Variants in TERT observed in about 807,000 individuals in gnomAD.
TERT encodes telomerase catalytic subunit.
In TERT, 42 loss-of-function variants were observed where a neutral mutation model predicts 104.0. The ratio of observed to expected loss-of-function variants is 0.40; its 90% CI spans 0.32 to 0.52. TERT has a LOEUF of 0.52. TERT is among the 20% of genes least tolerant of loss of function. The pLI is 0.43. For missense variants in TERT, 1,101 were observed against 1,610.3 expected (o/e 0.68, Z 5.41); for synonymous variants, 781 against 725.6 (o/e 1.08, Z -1.23).
At chr5:1,278,562 A>G (rs1749775673) in intron 6 of TERT, 79 bp downstream of exon 6, 1 of 1,595,660 alleles carries the variant, frequency 6.3e-7, no homozygotes, top group Non-Finnish European at 8.6e-7. Flanking sequence ...GAAACGCATC[A>G]CAGACACGAC....
At chr5:1,267,590 T>C (rs1172690632) in intron 9 of TERT, among the ~76,000 whole-genome samples, 1 of 152,190 alleles carries the variant, frequency 6.6e-6, no homozygotes, top group Non-Finnish European at 1.5e-5. Context: ...AACCCAAATG[T>C]CCATCGATGA....
chr5:1,293,884 G>C lies in TERT; in HGVS notation c.1002C>G (p.Ser334=). 6.5e-7 allele frequency: 1 copy of C among 1,543,596 alleles called. No homozygotes were observed. The highest frequency in any genetic ancestry group is 1.2e-5 in the South Asian group (1 of 84,076). Residue 334 remains serine (S), a synonymous_variant, in exon 2 of 16, where the codon TCC becomes TCG. Transcript: ENST00000310581. ...VYAETKHFLY[S]SGDKEQLRPS... ...GCCGCAGCTGCTCCTTGTCGCCTGAGGAGTAGAGGAAGTGCTTGGTCTCGG... is the reference window on the plus strand; with the variant it reads ...GCCGCAGCTGCTCCTTGTCGCCTGACGAGTAGAGGAAGTGCTTGGTCTCGG...
intron 2 of TERT, 51 bp from the exon 3 acceptor site, chr5:1,282,675 T>C: frequency 6.3e-7 from 1 of 1,593,574 alleles, no homozygotes. Flanking sequence ...CCTGGTGACC[T>C]CACCCCGGAC....
intron 2 of TERT, 62 bp from the exon 3 acceptor site, chr5:1,282,686 C>G (rs2126650383): frequency 6.4e-7 from 1 of 1,559,404 alleles, no homozygotes; most frequent in Non-Finnish European, 8.8e-7. Flanking sequence ...CACCCCGGAC[C>G]TGCACCATCC....
intron 4 of TERT, 95 bp from the exon 5 acceptor site, chr5:1,279,565 G>T: frequency 7.7e-7 from 1 of 1,296,956 alleles, no homozygotes. Context: ...CCCCTCCCCA[G>T]TGTCCCCAGC....
chr5:1,264,341 C>T (rs374557624), intron 11 of TERT, 63 bp downstream of exon 11: 21 of 1,521,252 alleles, frequency 1.4e-5, no homozygotes, highest in South Asian at 4.7e-5. Flanking sequence ...GTGGACGCAA[C>T]GGCCCTGCAG....
intron 6 of TERT, among the ~76,000 whole-genome samples, chr5:1,275,700 G>A (rs1749512823): frequency 3.9e-5 from 6 of 151,984 alleles, no homozygotes. Flanking sequence ...TGAACTCTGT[G>A]TTACCCCACT....
At position 1,274,713 on chromosome 5, in the gene TERT, T is replaced by A. The variant is rs929186324; in HGVS notation, c.2287-2433A>T. 6.6e-6 allele frequency among the ~76,000 whole-genome samples: 1 copy of A among 152,188 alleles called. No homozygotes were observed. Among genetic ancestry groups the A allele is most frequent in the Non-Finnish European group, 1.5e-5 (1 of 68,028 alleles). ...ACCTAGCCTCCCGCTGTGCGCCGGG[T>A]TCCTAACAGGCCCCAGACCGGTGCC... On this transcript the variant is annotated intron_variant, in intron 6 of 15. Transcript: ENST00000310581. This position sits in a 1 kb window ranked among gnomAD's most constrained non-coding sequence, Gnocchi z 5.3.
In TERT at chr5:1,255,507, T is replaced by C. The variant is rs35083412; in HGVS notation, c.3033-96A>G. 19,626 of 1,501,566 alleles carry C rather than the reference T, an allele frequency of 0.013. 1,733 individuals carry two copies. In the African/African-American group the frequency reaches 0.22, roughly 17 times the overall value. The allele number at this position is 1,501,566 out of a possible 1,614,324, so 93.0% of individuals were successfully genotyped here. On this transcript the variant is annotated intron_variant, in intron 13 of 15. Coordinates refer to ENST00000310581, the MANE Select transcript of TERT (RefSeq NM_198253.3). This position sits in a 1 kb window ranked among gnomAD's most constrained non-coding sequence, Gnocchi z 6.9. ...GCCCACCGGTGCCTGTGTGCGTGCA[T>C]GAATGCACATGCATGGGTTTCCTCA... is the stretch of plus-strand genomic sequence containing the variant.
At chr5:1,290,426 ACGGCGCCT>A (rs1750821340) in intron 2 of TERT, among the ~76,000 whole-genome samples, 1 of 46,328 alleles carries the variant, frequency 2.2e-5, no homozygotes, top group African/African-American at 1.5e-4. Flanking sequence ...ACACGCGGGG[ACGGCGCCT>A]CACTCACCCT....
rs2126665243 is a variant in TERT, at chr5:1,287,328, T to C, written c.1574-4704A>G. On this transcript the variant is annotated intron_variant, in intron 2 of 15. Coordinates refer to ENST00000310581, the MANE Select transcript of TERT (RefSeq NM_198253.3). This position sits in a 1 kb window ranked among gnomAD's most constrained non-coding sequence, Gnocchi z 4.3. ...CAGCCTGGGCAACACAGCAAGACCC[T>C]GTCTCCAGAAAAAATTTAAAAATTA... Among the ~76,000 whole-genome samples, 1 of 152,098 alleles carries C rather than the reference T, an allele frequency of 6.6e-6. No individual in the cohort carries two copies. The highest frequency in any genetic ancestry group is 1.9e-4 in the East Asian group (1 of 5,168).
At position 1,283,196 on chromosome 5, in the gene TERT, C is replaced by T. The variant is rs771172563; in HGVS notation, c.1574-572G>A. On this transcript the variant is annotated intron_variant, in intron 2 of 15. Transcript: ENST00000310581. ...CCCCAGACCTGCACCATCCGGACAC[C>T]ACACATCCAGCTAACCGCAGGGCCT... 1.5e-5 allele frequency among the ~76,000 whole-genome samples: 2 copies of T among 133,976 alleles called. 1 individual carries two copies. The highest frequency in any genetic ancestry group is 4.6e-4 in the East Asian group (2 of 4,330). 87.9% of individuals were successfully genotyped at this position (133,976 alleles called of 152,430 possible).
rs778825193 is a variant in TERT at position 1,274,311 on chromosome 5, C to G, written c.2287-2031G>C. On this transcript the variant is annotated intron_variant, in intron 6 of 15. Transcript: ENST00000310581. The surrounding 1 kb of genome is among the most constrained non-coding windows in gnomAD (Gnocchi z 5.3). Reference sequence around the variant, plus strand: ...AGCAGGCAACACGCCCACAAATAGCCCATGGGTCTGAGGTCGGCGGAAAGC... The same window carrying G: ...AGCAGGCAACACGCCCACAAATAGCGCATGGGTCTGAGGTCGGCGGAAAGC... Among the ~76,000 whole-genome samples, 7 of 152,328 alleles carry G rather than the reference C, an allele frequency of 4.6e-5. No individual in the cohort carries two copies. The East Asian group carries it at 1.2e-3, about 25-fold the overall frequency.
rs1747724102 is a variant in TERT at position 1,256,291 on chromosome 5, G to T, written c.3033-880C>A. 6.6e-6 allele frequency among the ~76,000 whole-genome samples: 1 copy of T among 152,150 alleles called. No individual in the cohort carries two copies. The highest frequency in any genetic ancestry group is 2.4e-5 in the African/African-American group (1 of 41,426). ...GGCCTCCCAAAGTGCTGGGACTACA[G>T]GTGTGAGCCACCGCGCCAGCCCTGT... is the stretch of plus-strand genomic sequence containing the variant. On this transcript the variant is annotated intron_variant, in intron 13 of 15. Coordinates refer to ENST00000310581, the MANE Select transcript of TERT (RefSeq NM_198253.3). The surrounding 1 kb of genome is among the most constrained non-coding windows in gnomAD (Gnocchi z 7.0).
chr5:1,285,054 G>A (rs1489734580), intron 2 of TERT, among the ~76,000 whole-genome samples: 13 of 99,516 alleles, frequency 1.3e-4, no homozygotes, highest in African/African-American at 4.4e-4. Flanking sequence ...GCTCACCGAG[G>A]GCCTGGAGAC....
At chr5:1,293,267 C>T in intron 2 of TERT, 46 bp downstream of exon 2, 7 of 1,607,766 alleles carry the variant, frequency 4.4e-6, no homozygotes, top group Non-Finnish European at 5.9e-6. Context: ...GCCCCTACTG[C>T]ATTCAGCTCT....
chr5:1,254,782 G>A (rs757035105), intron 14 of TERT, among the ~76,000 whole-genome samples: 1 of 152,032 alleles, frequency 6.6e-6, no homozygotes, highest in African/African-American at 2.4e-5. Flanking sequence ...CCCTGATGCT[G>A]GACAAAGTGT....
intron 13 of TERT, 89 bp downstream of exon 13, chr5:1,258,508 AG>A: frequency 8.4e-7 from 1 of 1,190,916 alleles, no homozygotes; most frequent in Non-Finnish European, 1.2e-6. Context: ...CCTAAAACCC[AG>A]GAGTTCCAAG....
chr5:1,264,435 G>A lies in TERT; in HGVS notation c.2812C>T (p.Arg938Trp), dbSNP rs1422814635. The change falls in exon 11 of 16, where the codon CGG becomes TGG. Residue 938 changes from arginine (R) to tryptophan (W), a missense_variant. This residue lies in a region of TERT where 463 missense variants were observed against 797.5 expected (regional missense o/e 0.58). Transcript: ENST00000310581. ...FPWCGLLLDTRTLEVQSDYSS... is the reference protein window; with the variant it reads ...FPWCGLLLDTWTLEVQSDYSS... ...TAGTCGCTCTGCACCTCCAGGGTCC[G>A]GGTATCCAGCAGCAGGCCGCACCAG... The A allele has an allele frequency of 1.9e-6, 3 of 1,613,322 alleles. No homozygotes were observed. The highest frequency in any genetic ancestry group is 2.5e-6 in the Non-Finnish European group (3 of 1,179,978).
Sources: gnomAD v4.1 joint callset for allele counts (sites outside exome capture counted in the v4.1 genomes callset) on GRCh38, gnomAD v4.1.1 for gene constraint, gnomAD v4.1.1 regional missense constraint, Gnocchi (gnomAD v3.1) non-coding constraint, MANE v1.5 for transcripts, NCBI Gene and HGNC (gene_info 2026-07-23, HGNC 2026-07-21) for gene names.